NEBL: variants seen among roughly 807,000 people sequenced by gnomAD.
NEBL encodes LIM and SH3 protein 2.
Under a neutral mutation model 140.2 loss-of-function variants are expected in NEBL, and 122 were observed. That is an observed-to-expected ratio of 0.87 (90% CI 0.75 to 1.01). The LOEUF (loss-of-function observed/expected upper bound fraction) is 1.01. NEBL is among the 50% of genes least tolerant of loss of function. The pLI is 0.00. For missense variants in NEBL, 1,365 were observed against 1,231.3 expected (o/e 1.11, Z -1.62); for synonymous variants, 436 against 398.9 (o/e 1.09, Z -1.11).
At chr10:20,887,857 C>T (rs1846665051) in intron 4 of NEBL, among the ~76,000 whole-genome samples, 1 of 152,200 alleles carries the variant, frequency 6.6e-6, no homozygotes, top group Admixed American at 6.5e-5. Context: ...AAGATTTGCT[C>T]TATAAATTGC....
At chr10:20,919,161 G>T (rs1833456514) in intron 4 of NEBL, among the ~76,000 whole-genome samples, 3 of 152,132 alleles carry the variant, frequency 2.0e-5, no homozygotes, top group African/African-American at 7.2e-5. Context: ...GCAAGAGAAG[G>T]CATCTGAGCT....
At position 21,080,304 on chromosome 10, in the gene NEBL, A is replaced by G. The variant is rs149031327; in HGVS notation, c.165-60103T>C. 3.0e-3 allele frequency among the ~76,000 whole-genome samples: 461 copies of G among 152,358 alleles called. 1 individual carries two copies. The highest frequency in any genetic ancestry group is 0.011 in the African/African-American group (450 of 41,582). ...TTGAGACTGCTCAAAACTCTGTGAA[A>G]ATTCCTCTTTTGATATTGCATTCCG... is the stretch of plus-strand genomic sequence containing the variant. On this transcript the variant is annotated intron_variant, in intron 2 of 6. Coordinates refer to the NEBL transcript ENST00000417816.
upstream of NEBL, among the ~76,000 whole-genome samples, chr10:20,901,857 A>G (rs898115222): frequency 2.0e-5 from 3 of 152,242 alleles, no homozygotes; most frequent in African/African-American, 4.8e-5. Context: ...TTCCCAGAAC[A>G]GAACTTTACT....
chr10:21,179,422 T>A (rs1195974201), upstream of NEBL, among the ~76,000 whole-genome samples: 1 of 152,094 alleles, frequency 6.6e-6, no homozygotes, highest in East Asian at 1.9e-4. Context: ...CACCAAAGAA[T>A]GCAGCGTCCA....
intron 2 of NEBL, among the ~76,000 whole-genome samples, chr10:21,248,336 C>G (rs1842544638): frequency 6.6e-6 from 1 of 151,304 alleles, no homozygotes; most frequent in Non-Finnish European, 1.5e-5. Flanking sequence ...TTGAGACTAT[C>G]ACTACAGCCA....
chr10:21,132,376 C>G (rs1320948264), intron 2 of NEBL, among the ~76,000 whole-genome samples: 2 of 152,116 alleles, frequency 1.3e-5, no homozygotes, highest in Non-Finnish European at 2.9e-5. Flanking sequence ...CTTTGTTTAT[C>G]TACTCGTCAA....
intron 3 of NEBL, among the ~76,000 whole-genome samples, chr10:21,019,455 T>A (rs1241407562): frequency 6.6e-6 from 1 of 152,238 alleles, no homozygotes; most frequent in Non-Finnish European, 1.5e-5. Context: ...TGTCTTACTA[T>A]GGGGTGCCAG....
intron 3 of NEBL, among the ~76,000 whole-genome samples, chr10:21,235,544 G>C (rs942421725): frequency 6.6e-6 from 1 of 152,060 alleles, no homozygotes; most frequent in African/African-American, 2.4e-5. Context: ...CGAACTCCTG[G>C]CCTCCAGCGA....
At chr10:21,242,657 C>A (rs1484950261) in intron 3 of NEBL, among the ~76,000 whole-genome samples, 3 of 152,156 alleles carry the variant, frequency 2.0e-5, no homozygotes, top group African/African-American at 7.2e-5. Context: ...CCGAGAGGTG[C>A]ACAACTCACT....
At chr10:20,917,594 G>T (rs2131487774) in intron 4 of NEBL, among the ~76,000 whole-genome samples, 1 of 152,268 alleles carries the variant, frequency 6.6e-6, no homozygotes, top group East Asian at 1.9e-4. Flanking sequence ...AGACAATGTG[G>T]ATCTTAGAAG....
At chr10:21,195,833 G>A (rs1453347453) in intron 3 of NEBL, among the ~76,000 whole-genome samples, 1 of 152,008 alleles carries the variant, frequency 6.6e-6, no homozygotes, top group African/African-American at 2.4e-5. Context: ...AGAAATATTG[G>A]TGCTATTTGA....
intron 4 of NEBL, among the ~76,000 whole-genome samples, chr10:20,941,411 T>G (rs1834858743): frequency 6.6e-6 from 1 of 152,152 alleles, no homozygotes. Context: ...TCTCAATCAA[T>G]TAGGTACTGA....
In NEBL at chr10:20,784,766, G is replaced by A. The variant is rs1442812272; in HGVS notation, c.*981C>T. On this transcript the variant is annotated 3_prime_UTR_variant, in exon 28 of 28. Coordinates refer to ENST00000377122, the MANE Select transcript of NEBL (RefSeq NM_006393.3). ...GAACACCTAAATCGCTTATTTACTA[G>A]AGTATACATGTTATTTCCTAAGATG... is the stretch of plus-strand genomic sequence containing the variant. The A allele has an allele frequency of 6.6e-6, 1 of 152,198 alleles. No homozygotes were observed. The highest frequency in any genetic ancestry group is 1.9e-4 in the East Asian group (1 of 5,194). 9.4% of individuals were successfully genotyped at this position (152,198 alleles called of 1,614,324 possible). A position where few individuals can be genotyped will look rare whatever the true frequency, so the allele number is the denominator to read the frequency against.
intron 26 of NEBL, among the ~76,000 whole-genome samples, chr10:20,800,733 A>G (rs1235588680): frequency 6.6e-6 from 1 of 152,110 alleles, no homozygotes; most frequent in African/African-American, 2.4e-5. Context: ...AAATCTACCA[A>G]TACTATTTCT....
intron 2 of NEBL, among the ~76,000 whole-genome samples, chr10:21,123,401 T>C (rs1251828450): frequency 6.6e-6 from 1 of 152,242 alleles, no homozygotes; most frequent in East Asian, 1.9e-4. Flanking sequence ...ACTTCATATC[T>C]GTACAGAGAA....
At chr10:20,891,090 A>C (rs1419771984) in intron 2 of NEBL, among the ~76,000 whole-genome samples, 4 of 152,206 alleles carry the variant, frequency 2.6e-5, no homozygotes, top group Non-Finnish European at 5.9e-5. Flanking sequence ...CTAATGGTAC[A>C]TGGAGATTTT....
At chr10:21,248,841 G>GTTT (rs375256840) in intron 2 of NEBL, among the ~76,000 whole-genome samples, 4 of 143,570 alleles carry the variant, frequency 2.8e-5, no homozygotes, top group African/African-American at 1.0e-4. Flanking sequence ...TTTCTGTTTT[G>GTTT]TTTTTTTTTT....
At chr10:21,169,759 G>C (rs370752023) in intron 2 of NEBL, among the ~76,000 whole-genome samples, 4 of 152,058 alleles carry the variant, frequency 2.6e-5, no homozygotes, top group African/African-American at 9.7e-5. Context: ...TAGACTTCCA[G>C]GTTCAAAATG....
At chr10:20,879,618 A>G (rs931921467) in intron 5 of NEBL, among the ~76,000 whole-genome samples, 1 of 152,210 alleles carries the variant, frequency 6.6e-6, no homozygotes, top group African/African-American at 2.4e-5. Flanking sequence ...ATGGGGGCAC[A>G]TGGTCAGCCA....
Sources: allele counts gnomAD v4.1 joint callset (sites outside exome capture counted in the v4.1 genomes callset), GRCh38; gene constraint gnomAD v4.1.1; transcripts MANE v1.5; gene names NCBI Gene and HGNC (gene_info 2026-07-23, HGNC 2026-07-21).